CNTNAP5: variants seen among roughly 807,000 people sequenced by gnomAD.
CNTNAP5 encodes the protein contactin-associated protein-like 5.
In CNTNAP5, 72 loss-of-function variants were observed where a neutral mutation model predicts 150.2. The ratio of observed to expected loss-of-function variants is 0.48; its 90% CI spans 0.40 to 0.58. The LOEUF (loss-of-function observed/expected upper bound fraction) is 0.58, where lower values mean the gene tolerates loss of function less well. CNTNAP5 is among the 20% of genes least tolerant of loss of function. CNTNAP5 has a pLI of 0.00. For synonymous variants in CNTNAP5, 672 were observed against 619.8 expected, an observed-to-expected ratio of 1.08 and a Z score of -1.25; for missense variants, 1,636 against 1,626.2, an observed-to-expected ratio of 1.01 and a Z score of -0.10.
At chr2:124,103,413 C>A (rs1683107282) in intron 1 of CNTNAP5, among the ~76,000 whole-genome samples, 1 of 151,888 alleles carries the variant, frequency 6.6e-6, no homozygotes, top group African/African-American at 2.4e-5. Context: ...ATGTCCTAGG[C>A]CTTCACATTC....
chr2:124,461,298 C>T (rs1277136730), intron 6 of CNTNAP5, among the ~76,000 whole-genome samples: 2 of 151,916 alleles, frequency 1.3e-5, no homozygotes, highest in African/African-American at 2.4e-5. Context: ...CAATGATAGA[C>T]TGGATTAAGA....
chr2:124,276,343 C>G (rs538696755), intron 3 of CNTNAP5, among the ~76,000 whole-genome samples: 1 of 152,286 alleles, frequency 6.6e-6, no homozygotes, highest in Admixed American at 6.5e-5. Flanking sequence ...CCTTAATAGG[C>G]AAGATTATAT....
At position 124,539,436 on chromosome 2, in the gene CNTNAP5, T is replaced by C. The variant is rs76191877; in HGVS notation, c.1649+11980T>C. 4.8e-3 allele frequency among the ~76,000 whole-genome samples: 731 copies of C among 152,290 alleles called. 4 individuals carry two copies. Among genetic ancestry groups the C allele is most frequent in the African/African-American group, 0.017 (700 of 41,566 alleles). On this transcript the variant is annotated intron_variant, in intron 10 of 23. Transcript: ENST00000682447. ...TGGTTGTCAACTGAGAAAATCGATA[T>C]TCACATAAATTTATTAACTTGCCTC... is the stretch of plus-strand genomic sequence containing the variant.
intron 7 of CNTNAP5, among the ~76,000 whole-genome samples, chr2:124,501,152 G>A (rs1312770437): frequency 6.6e-6 from 1 of 152,172 alleles, no homozygotes; most frequent in Non-Finnish European, 1.5e-5. Context: ...TACCTTGAAG[G>A]TTTGATCAAT....
chr2:124,866,332 G>A (rs1677631827), intron 20 of CNTNAP5, among the ~76,000 whole-genome samples: 2 of 152,150 alleles, frequency 1.3e-5, no homozygotes, highest in Admixed American at 6.6e-5. Context: ...TGGAGGCTAT[G>A]GAAGGGGGAA....
intron 14 of CNTNAP5, among the ~76,000 whole-genome samples, chr2:124,753,153 G>A (rs1013802928): frequency 6.6e-6 from 1 of 152,106 alleles, no homozygotes; most frequent in African/African-American, 2.4e-5. Context: ...AAAATAGGAA[G>A]AGAAAATGAT....
chr2:124,779,591 G>A lies in CNTNAP5; in HGVS notation c.2752+6574G>A, dbSNP rs149248216. 2.0e-3 allele frequency among the ~76,000 whole-genome samples: 303 copies of A among 152,030 alleles called. 2 individuals carry two copies. Among genetic ancestry groups the A allele is most frequent in the African/African-American group, 4.3e-3 (178 of 41,476 alleles). ...TTTTCTTAAGTGAAATTTATTTTTC[G>A]TTTCTCCTGAGAATTAGCTATAAAA... On this transcript the variant is annotated intron_variant, in intron 17 of 23. Coordinates refer to ENST00000682447, the MANE Select transcript of CNTNAP5 (RefSeq NM_001367498.1).
intron 3 of CNTNAP5, among the ~76,000 whole-genome samples, chr2:124,292,245 G>GA (rs767710366): frequency 2.5e-4 from 38 of 151,762 alleles, no homozygotes; most frequent in Admixed American, 7.9e-4. Flanking sequence ...AAGACCCTTA[G>GA]AAAAAATCTC....
chr2:124,386,232 A>T lies in CNTNAP5; in HGVS notation c.382-31211A>T, dbSNP rs542564816. Reference sequence around the variant, plus strand: ...ACAATGTTGTTTAAATTTCTTTTCCATTGTGTGAAGGTCATTGGCCAGTAA... The same window carrying T: ...ACAATGTTGTTTAAATTTCTTTTCCTTTGTGTGAAGGTCATTGGCCAGTAA... On this transcript the variant is annotated intron_variant, in intron 3 of 23. Coordinates refer to ENST00000682447, the MANE Select transcript of CNTNAP5 (RefSeq NM_001367498.1). Among the ~76,000 whole-genome samples the T allele has an allele frequency of 3.9e-5, 6 of 152,278 alleles. No individual in the cohort carries two copies. The East Asian group carries it at 1.2e-3, about 29-fold the overall frequency.
chr2:124,431,527 A>ATG (rs1462736533), intron 4 of CNTNAP5, among the ~76,000 whole-genome samples: 19 of 145,920 alleles, frequency 1.3e-4, no homozygotes, highest in Middle Eastern at 3.6e-3. Context: ...ATATATATAT[A>ATG]TAAAATTTCT....
chr2:124,362,054 TG>T (rs1483689197), intron 3 of CNTNAP5, among the ~76,000 whole-genome samples: 2 of 152,328 alleles, frequency 1.3e-5, no homozygotes, highest in African/African-American at 4.8e-5. Context: ...AATATTCGGG[TG>T]GGAGTGACCC....
chr2:124,461,336 A>T (rs1437597391), intron 6 of CNTNAP5, among the ~76,000 whole-genome samples: 1 of 152,096 alleles, frequency 6.6e-6, no homozygotes, highest in Non-Finnish European at 1.5e-5. Context: ...ACCATGGAAT[A>T]CTATGTAGCC....
At chr2:124,562,048 T>C (rs1005385417) in intron 10 of CNTNAP5, among the ~76,000 whole-genome samples, 3 of 152,176 alleles carry the variant, frequency 2.0e-5, no homozygotes, top group African/African-American at 7.2e-5. Context: ...CCAGGTTATC[T>C]CTTAATGGTG....
chr2:124,140,097 G>A (rs1183775528), intron 1 of CNTNAP5, among the ~76,000 whole-genome samples: 27 of 151,726 alleles, frequency 1.8e-4, no homozygotes, highest in South Asian at 1.0e-3. Context: ...AAAAAACGGC[G>A]CACCACGAGA....
intron 1 of CNTNAP5, among the ~76,000 whole-genome samples, chr2:124,077,201 T>C (rs1360358497): frequency 1.3e-5 from 2 of 151,996 alleles, no homozygotes; most frequent in Admixed American, 1.3e-4. Context: ...CAAAATCTGT[T>C]CTCTAATCAT....
chr2:124,674,355 TCTTCCCTCCCTCCCTC>T (rs1573539267), intron 13 of CNTNAP5, among the ~76,000 whole-genome samples: 1 of 108,846 alleles, frequency 9.2e-6, no homozygotes, highest in East Asian at 3.2e-4. Flanking sequence ...CTCCCTCCCT[TCTTCCCTCCCTCCCTC>T]CTTCCCTCCC....
intron 7 of CNTNAP5, among the ~76,000 whole-genome samples, chr2:124,495,753 G>A (rs1233222315): frequency 6.6e-6 from 1 of 152,110 alleles, no homozygotes. Flanking sequence ...ATGTATTATG[G>A]ACTTCTTTTC....
intron 12 of CNTNAP5, among the ~76,000 whole-genome samples, chr2:124,611,419 C>T (rs145079405): frequency 4.6e-4 from 70 of 152,282 alleles, no homozygotes; most frequent in African/African-American, 1.6e-3. Context: ...CTTGCATTTC[C>T]GTAATAACTT....
chr2:124,764,129 A>C lies in CNTNAP5; in HGVS notation c.2515A>C (p.Ile839Leu). The C allele has an allele frequency of 6.2e-7, 1 of 1,612,620 alleles. No homozygotes were observed. The highest frequency in any genetic ancestry group is 8.5e-7 in the Non-Finnish European group (1 of 1,178,896). The change falls in exon 16 of 24, where the codon ATT becomes CTT. Residue 839 changes from isoleucine to leucine, a missense_variant. Transcript: ENST00000682447. ...AGAAAATCTTGGCATTAAAGACTTCATTCGACTCGAAATAAGCTGTAAGTG... is the reference window on the plus strand; with the variant it reads ...AGAAAATCTTGGCATTAAAGACTTCCTTCGACTCGAAATAAGCTGTAAGTG... ...FLENLGIKDF[I>L]RLEISSPSEI...
Sources: gnomAD v4.1 joint callset for allele counts (sites outside exome capture counted in the v4.1 genomes callset) on GRCh38, gnomAD v4.1.1 for gene constraint, MANE v1.5 for transcripts, NCBI Gene and HGNC (gene_info 2026-07-23, HGNC 2026-07-21) for gene names.